Variants in SSBP1 observed in about 807,000 individuals in gnomAD.
SSBP1 encodes the protein single-stranded DNA-binding protein, mitochondrial.
In SSBP1, 20 loss-of-function variants were observed where a neutral mutation model predicts 27.0. That is an observed-to-expected ratio of 0.74 (90% CI 0.52 to 1.08). The LOEUF (loss-of-function observed/expected upper bound fraction) is 1.08. Among genes scored for constraint, SSBP1 ranks in the 50% least tolerant of loss-of-function variants. The pLI is 0.00. For synonymous variants in SSBP1, 59 were observed against 59.3 expected, an observed-to-expected ratio of 1.00 and a Z score of 0.02; for missense variants, 137 against 182.4, an observed-to-expected ratio of 0.75 and a Z score of 1.44.
rs187498677 is a variant in SSBP1, at chr7:141,744,553, C to T, written c.314+564C>T. ...TTTCCAAACTCATAGAAGGACAAAA[C>T]GGTGTGTGTAACAGCAGTTGTATTG... On this transcript the variant is annotated intron_variant, in intron 5 of 6. Transcript: ENST00000265304. 3.3e-5 allele frequency among the ~76,000 whole-genome samples: 5 copies of T among 152,142 alleles called. No individual in the cohort carries two copies. In the East Asian group the frequency reaches 9.6e-4, roughly 29 times the overall value.
intron 6 of SSBP1, chr7:141,745,914 G>T: frequency 9.6e-7 from 1 of 1,043,438 alleles, no homozygotes; most frequent in African/African-American, 1.7e-5. Context: ...CCCTAACCAG[G>T]AAGAAGCGTA....
In SSBP1 at chr7:141,744,005, A is replaced by G. The variant is rs1490381882; in HGVS notation, c.314+16A>G. On this transcript the variant is annotated intron_variant, in intron 5 of 6. Transcript: ENST00000265304. ...TGAAAAAGGGGTAAGTTGAAGAGGG[A>G]AGGATCTTATGAATTGAATGATTTA... 1 of 1,603,642 alleles carries G rather than the reference A, an allele frequency of 6.2e-7. No individual in the cohort carries two copies. Among genetic ancestry groups the G allele is most frequent in the Non-Finnish European group, 8.5e-7 (1 of 1,175,346 alleles).
In SSBP1 at chr7:141,743,661, T is replaced by C. The variant is rs181336944; in HGVS notation, c.186T>C (p.Asn62=). 1.8e-4 allele frequency: 292 copies of C among 1,612,568 alleles called. 5 individuals are homozygous for C. The Admixed American group carries it at 4.7e-3, about 26-fold the overall frequency. Residue 62 remains asparagine (N), a synonymous_variant, in exon 4 of 7, where the codon AAT becomes AAC. Transcript: ENST00000265304. ...NPVTIFSLAT[N]EMWRSGDSEV... ...TCACAATATTTTCTCTAGCAACTAA[T>C]GAGATGTGGCGATCAGGGGATAGTG...
chr7:141,741,893 G>A (rs746956752), intron 2 of SSBP1: 12 of 763,790 alleles, frequency 1.6e-5, no homozygotes, highest in Non-Finnish European at 2.1e-5. Flanking sequence ...CCATAATCAA[G>A]GAGATGTCGC....
intron 2 of SSBP1, chr7:141,741,693 A>G: frequency 2.4e-6 from 2 of 834,674 alleles, no homozygotes; most frequent in Non-Finnish European, 2.9e-6. Flanking sequence ...AAAAAAAATT[A>G]GAGGATGTAT....
rs1799920567 is a variant in SSBP1, at chr7:141,750,451, T to C, written c.*97T>C. The C allele has an allele frequency of 1.9e-6, 2 of 1,033,246 alleles. No individual in the cohort carries two copies. Among genetic ancestry groups the C allele is most frequent in the African/African-American group, 3.3e-5 (2 of 60,960 alleles). 64.0% of individuals were successfully genotyped at this position (1,033,246 alleles called of 1,614,324 possible). On this transcript the variant is annotated 3_prime_UTR_variant, in exon 7 of 7. Coordinates refer to ENST00000265304, the MANE Select transcript of SSBP1 (RefSeq NM_003143.3). ...CCAAGGACAAGAATTAAAATACTCT[T>C]TTACGTAAAATGAGTAATAATCTTT...
chr7:141,745,447 A>G (rs1419504096), intron 5 of SSBP1, 49 bp from the exon 6 acceptor site: 2 of 1,490,304 alleles, frequency 1.3e-6, no homozygotes, highest in East Asian at 2.3e-5. Context: ...TGACTCTTAT[A>G]AAGCATATTA....
chr7:141,739,042 ATAGT>A (rs1430271917), intron 1 of SSBP1, 78 bp from the exon 2 acceptor site: 4 of 717,376 alleles, frequency 5.6e-6, no homozygotes, highest in African/African-American at 1.8e-5. Context: ...AATTATGAAT[ATAGT>A]TAGGAATTTA....
chr7:141,741,613 T>TGTACCCATGTTGGATCTTTAG (rs1799535777), intron 2 of SSBP1: 1 of 171,646 alleles, frequency 5.8e-6, no homozygotes. Context: ...ATGTTGGATC[T>TGTACCCATGTTGGATCTTTAG]AAATTTCTTA....
intron 2 of SSBP1, chr7:141,741,780 C>G: frequency 1.0e-6 from 1 of 1,000,480 alleles, no homozygotes; most frequent in South Asian, 4.7e-5. Context: ...AAATACTTGG[C>G]AGCAACTCTT....
At chr7:141,738,757 A>T (rs1321449219) in intron 1 of SSBP1, 1 of 163,128 alleles carries the variant, frequency 6.1e-6, no homozygotes, top group Non-Finnish European at 1.3e-5. Context: ...ACTATGCATT[A>T]AGAACTTTTT....
At chr7:141,739,277 CA>C in intron 2 of SSBP1, 87 bp downstream of exon 2, 1 of 1,143,178 alleles carries the variant, frequency 8.7e-7, no homozygotes, top group South Asian at 1.8e-5. Context: ...ACTACAGGGG[CA>C]AAAGACCTTT....
intron 2 of SSBP1, chr7:141,739,998 T>C (rs1297492062): frequency 2.0e-5 from 3 of 152,234 alleles, no homozygotes; most frequent in African/African-American, 7.2e-5. Context: ...AAAAGTTTAA[T>C]TTAAAAAATT....
intron 6 of SSBP1, among the ~76,000 whole-genome samples, chr7:141,747,342 T>C (rs1799822035): frequency 6.6e-6 from 1 of 151,776 alleles, no homozygotes; most frequent in Non-Finnish European, 1.5e-5. Flanking sequence ...ACTATATTAA[T>C]GTTTCTGTGT....
chr7:141,745,927 C>G, intron 6 of SSBP1: 1 of 1,027,892 alleles, frequency 9.7e-7, no homozygotes, highest in East Asian at 8.3e-5. Context: ...GAAGCGTATG[C>G]CAAGATAAGA....
chr7:141,746,870 G>A (rs926311536), intron 6 of SSBP1, among the ~76,000 whole-genome samples: 2 of 152,022 alleles, frequency 1.3e-5, no homozygotes, highest in African/African-American at 2.4e-5. Context: ...AATCTAAATA[G>A]CATAGCAATG....
intron 2 of SSBP1, 39 bp downstream of exon 2, chr7:141,739,229 A>G (rs371656187): frequency 2.2e-5 from 34 of 1,537,124 alleles, no homozygotes; most frequent in Non-Finnish European, 2.8e-5. Context: ...ATGTATTACT[A>G]TCAGCCACAG....
intron 2 of SSBP1, chr7:141,741,108 G>C (rs1445097151): frequency 6.6e-6 from 1 of 152,212 alleles, no homozygotes; most frequent in Non-Finnish European, 1.5e-5. Flanking sequence ...TTTTGGCACT[G>C]ATAACTGGTT....
intron 6 of SSBP1, among the ~76,000 whole-genome samples, chr7:141,749,820 T>C (rs1395936002): frequency 1.3e-5 from 2 of 152,206 alleles, no homozygotes; most frequent in African/African-American, 4.8e-5. Flanking sequence ...AATTTAAAAA[T>C]AAAATTTCTT....
Sources: allele counts gnomAD v4.1 joint callset (sites outside exome capture counted in the v4.1 genomes callset), GRCh38; gene constraint gnomAD v4.1.1; transcripts MANE v1.5; gene names NCBI Gene and HGNC (gene_info 2026-07-23, HGNC 2026-07-21).